The following RANBP1 variants were observed in gnomAD, a reference collection of about 807,000 sequenced individuals.
The protein encoded by RANBP1 is RAN binding protein 1.
A neutral mutation model predicts 31.4 loss-of-function variants in RANBP1; 16 were observed. That is an observed-to-expected ratio of 0.51 (90% confidence interval 0.34 to 0.77). The LOEUF (loss-of-function observed/expected upper bound fraction) is 0.77. Among genes scored for constraint, RANBP1 ranks in the 30% least tolerant of loss-of-function variants. The pLI is 0.01. For synonymous variants in RANBP1, 129 were observed against 140.5 expected, an observed-to-expected ratio of 0.92 and a Z score of 0.58; for missense variants, 265 against 362.0, an observed-to-expected ratio of 0.73 and a Z score of 2.17.
chr22:20,117,669 C>A, intron 1 of RANBP1: 2 of 1,050,094 alleles, frequency 1.9e-6, no homozygotes, highest in Non-Finnish European at 2.3e-6. Flanking sequence ...GCCAAGGTGC[C>A]GCCGGGCCCA....
intron 4 of RANBP1, 119 bp downstream of exon 4, chr22:20,125,555 T>C (rs1317932036): frequency 6.5e-7 from 1 of 1,536,684 alleles, no homozygotes; most frequent in South Asian, 1.2e-5. Context: ...CTGGGAAGTG[T>C]GTCGTGTGGG....
At position 20,126,430 on chromosome 22, in the gene RANBP1, TC is replaced by T. The variant is rs753520560; in HGVS notation, c.736+64del. ...GACTCACTCTGCATCTGACTATACT[TC>T]CAGGCGGGTGCTTTTTCTGTCTGCC... On this transcript the variant is annotated intron_variant, in intron 5 of 5. Transcript: ENST00000430524. The T allele has an allele frequency of 1.1e-5, 18 of 1,612,214 alleles. No individual in the cohort carries two copies. In the African/African-American group the frequency reaches 2.0e-4, roughly 18 times the overall value.
At chr22:20,117,108 AG>A in intron 1 of RANBP1, 1 of 689,762 alleles carries the variant, frequency 1.4e-6, no homozygotes, top group Admixed American at 2.8e-5. Flanking sequence ...TGCGATGCTC[AG>A]GTCCGGGTCT....
At chr22:20,118,987 A>C in intron 1 of RANBP1, 26 bp from the exon 2 acceptor site, 1 of 1,607,244 alleles carries the variant, frequency 6.2e-7, no homozygotes, top group Non-Finnish European at 8.5e-7. Flanking sequence ...ATAGGCCAGC[A>C]GTGTAACCTC....
intron 2 of RANBP1, among the ~76,000 whole-genome samples, chr22:20,121,146 G>A (rs1444603122): frequency 6.6e-6 from 1 of 152,070 alleles, no homozygotes; most frequent in Non-Finnish European, 1.5e-5. Context: ...GTAGAGATGG[G>A]GTTTCACCGA....
intron 3 of RANBP1, among the ~76,000 whole-genome samples, chr22:20,123,485 G>A (rs1411317518): frequency 3.6e-5 from 5 of 138,616 alleles, no homozygotes; most frequent in Non-Finnish European, 6.3e-5. Context: ...GTGCGGTATC[G>A]CGGTGGGGGT....
At chr22:20,116,885 C>T in intron 1 of RANBP1, 3 of 1,605,002 alleles carry the variant, frequency 1.9e-6, no homozygotes, top group Non-Finnish European at 2.6e-6. Flanking sequence ...CACTCTACCT[C>T]GTTGTCGAGG....
intron 3 of RANBP1, among the ~76,000 whole-genome samples, chr22:20,123,539 A>G (rs1295132477): frequency 1.3e-5 from 2 of 151,282 alleles, no homozygotes; most frequent in African/African-American, 2.4e-5. Context: ...GTAAGAGCAG[A>G]TGTGTGAGGT....
chr22:20,125,021 C>G (rs777019840), intron 3 of RANBP1: 2 of 401,176 alleles, frequency 5.0e-6, no homozygotes, highest in Non-Finnish European at 4.6e-6. Context: ...ATCTTGAACA[C>G]AGCTCAGGAG....
rs1358448551 is a variant in RANBP1 at position 20,125,354 on chromosome 22, C to T, written c.588C>T (p.Ala196=). 3 of 1,611,652 alleles carry T rather than the reference C, an allele frequency of 1.9e-6. No homozygotes were observed. The highest frequency in any genetic ancestry group is 1.3e-5 in the African/African-American group (1 of 74,862). ...AGCCCAACGCAGGTAGCGACCGTGC[C>T]TGGGTCTGGAACACCCACGCTGACT... ...ELKPNAGSDR[A]WVWNTHADFA... is the part of the protein sequence containing the mutation. Residue 196 remains alanine, a synonymous_variant, in exon 4 of 6, where the codon GCC becomes GCT. Coordinates refer to ENST00000430524, the MANE Select transcript of RANBP1 (RefSeq NM_001278639.2).
chr22:20,127,098 TA>T lies in RANBP1; in HGVS notation c.*52del. On this transcript the variant is annotated 3_prime_UTR_variant, in exon 6 of 6. Coordinates refer to ENST00000430524, the MANE Select transcript of RANBP1 (RefSeq NM_001278639.2). ...TTTCCTCTCTTTCCTTTCCTTTTTTTAAAAAATTTTACCCTGCCCCTCTTTT... is the reference window on the plus strand; with the variant it reads ...TTTCCTCTCTTTCCTTTCCTTTTTTTAAAAATTTTACCCTGCCCCTCTTTT... The T allele has an allele frequency of 6.6e-7, 1 of 1,514,198 alleles. No homozygotes were observed. Among genetic ancestry groups the T allele is most frequent in the South Asian group, 1.2e-5 (1 of 80,436 alleles). The allele number at this position is 1,514,198 out of a possible 1,614,324, so 93.8% of individuals were successfully genotyped here. A position where few individuals can be genotyped will look rare whatever the true frequency, so the allele number is the denominator to read the frequency against.
chr22:20,118,072 T>A (rs1432291509), intron 1 of RANBP1: 1 of 997,582 alleles, frequency 1.0e-6, no homozygotes, highest in African/African-American at 1.7e-5. Flanking sequence ...ATTCGGTTCT[T>A]ACGTCTGGAA....
In RANBP1 at chr22:20,116,371, A is replaced by T; in HGVS notation, c.187A>T (p.Thr63Ser). ...CRPKRPRKRR[T>S]SLKLAWRGTF... ...ACCAAAGCGGCCCAGGAAGCGCCGG[A>T]CGTCGCTGAAGCTGGCGTGGCGAGG... Residue 63 changes from threonine to serine, a missense_variant, in exon 1 of 6, where the codon ACG (threonine) becomes TCG (serine). Transcript: ENST00000430524. 1 of 1,612,398 alleles carries T rather than the reference A, an allele frequency of 6.2e-7. No individual in the cohort carries two copies. Among genetic ancestry groups the T allele is most frequent in the Non-Finnish European group, 8.5e-7 (1 of 1,179,484 alleles).
At chr22:20,117,600 G>C in intron 1 of RANBP1, 1 of 1,367,392 alleles carries the variant, frequency 7.3e-7, no homozygotes, top group African/African-American at 1.5e-5. Flanking sequence ...GAGAGGCCGC[G>C]GAGCCAGCGA....
chr22:20,116,738 G>T (rs2050036279), intron 1 of RANBP1: 1 of 1,389,738 alleles, frequency 7.2e-7, no homozygotes, highest in Non-Finnish European at 9.8e-7. Context: ...CCCTCCCCCA[G>T]TCTACCCTCC....
chr22:20,127,353 G>A lies in RANBP1; in HGVS notation c.*301G>A, dbSNP rs2050323232. ...TGAATAAAAAACACATTTGGAACCT[G>A]GGCCAGATGGCAGGACTGTGTGTGT... is the stretch of plus-strand genomic sequence containing the variant. On this transcript the variant is annotated 3_prime_UTR_variant, in exon 6 of 6. Transcript: ENST00000430524. The A allele has an allele frequency of 3.6e-6, 1 of 278,100 alleles. No individual in the cohort carries two copies. The highest frequency in any genetic ancestry group is 5.0e-5 in the Admixed American group (1 of 19,992). 17.2% of individuals were successfully genotyped at this position (278,100 alleles called of 1,614,324 possible). A position where few individuals can be genotyped will look rare whatever the true frequency, so the allele number is the denominator to read the frequency against.
At chr22:20,122,146 G>T (rs1404366735) in intron 2 of RANBP1, 118 bp from the exon 3 acceptor site, 3 of 1,145,430 alleles carry the variant, frequency 2.6e-6, no homozygotes, top group African/African-American at 3.1e-5. Context: ...CTGAAGAAGG[G>T]CTGGGGCGTT....
At chr22:20,118,351 A>G in intron 1 of RANBP1, 1 of 1,001,862 alleles carries the variant, frequency 1.0e-6, no homozygotes, top group Non-Finnish European at 1.2e-6. Context: ...AAATATGATT[A>G]TTGGTGCTCT....
chr22:20,126,969 G>A lies in RANBP1; in HGVS notation c.754G>A (p.Asp252Asn). Reference protein sequence around the residue: ...REKKAGSGKNDHAEKVAEKLE... With the variant: ...REKKAGSGKNNHAEKVAEKLE... ...GTTTTTAGCAGGATCAGGCAAAAAT[G>A]ATCATGCCGAAAAAGTGGCGGAAAA... The change falls in exon 6 of 6, where the codon GAT becomes AAT. Residue 252 changes from aspartate (D) to asparagine (N), a missense_variant. This residue lies in a region of RANBP1 where 49 missense variants were observed against 47.9 expected (regional missense o/e 1.02). Transcript: ENST00000430524. The A allele has an allele frequency of 3.1e-6, 5 of 1,613,478 alleles. No homozygotes were observed. The highest frequency in any genetic ancestry group is 4.2e-6 in the Non-Finnish European group (5 of 1,179,712).
Sources: gnomAD v4.1 joint callset for allele counts (sites outside exome capture counted in the v4.1 genomes callset) on GRCh38, gnomAD v4.1.1 for gene constraint, gnomAD v4.1.1 regional missense constraint, MANE v1.5 for transcripts, NCBI Gene and HGNC (gene_info 2026-07-23, HGNC 2026-07-21) for gene names.